The following RFX3 variants were observed in gnomAD, a reference collection of about 807,000 sequenced individuals.
RFX3 encodes the protein transcription factor RFX3.
A neutral mutation model predicts 98.6 loss-of-function variants in RFX3; 14 were observed. The observed-to-expected ratio is 0.14, with a 90% CI of 0.09 to 0.22. RFX3 has a LOEUF of 0.22. RFX3 is among the 10% of genes least tolerant of loss of function. The probability of loss-of-function intolerance (pLI) is 1.00; values close to 1 mark genes in which losing one functional copy is unlikely to be tolerated. For missense variants in RFX3, 639 were observed against 926.9 expected (o/e 0.69, Z 4.03); for synonymous variants, 383 against 328.4 (o/e 1.17, Z -1.80).
At chr9:3,430,447 A>G (rs530837705) in intron 1 of RFX3, among the ~76,000 whole-genome samples, 88 of 152,330 alleles carry the variant, frequency 5.8e-4, no homozygotes, top group Non-Finnish European at 5.9e-4. Context: ...TATAAACATA[A>G]GTCTTAGCAA....
chr9:3,413,885 T>C (rs1415641389), intron 1 of RFX3, among the ~76,000 whole-genome samples: 1 of 152,094 alleles, frequency 6.6e-6, no homozygotes, highest in Non-Finnish European at 1.5e-5. Flanking sequence ...ACTCTCCACC[T>C]AGATAACATG....
intron 13 of RFX3, 58 bp downstream of exon 13, chr9:3,262,877 A>C: frequency 6.5e-7 from 1 of 1,534,476 alleles, no homozygotes; most frequent in Non-Finnish European, 9.0e-7. Context: ...ATCCCAATTA[A>C]GAAGAACAAA....
intron 1 of RFX3, among the ~76,000 whole-genome samples, chr9:3,481,900 G>A (rs910577760): frequency 3.9e-5 from 6 of 152,042 alleles, no homozygotes; most frequent in African/African-American, 1.4e-4. Context: ...TATATCCAGT[G>A]TCAGAGTAAA....
In RFX3 at chr9:3,363,812, GAAT is replaced by G. The variant is rs761923002; in HGVS notation, c.118-17051_118-17049del. On this transcript the variant is annotated intron_variant, in intron 2 of 16. Transcript: ENST00000617270. ...AATACCAGTGTTTCCCCAAATATGG[GAAT>G]AATGATATTGGTAGTACAAAGGCAA... Among the ~76,000 whole-genome samples the G allele has an allele frequency of 2.6e-5, 4 of 152,264 alleles. No homozygotes were observed. In the East Asian group the frequency reaches 7.7e-4, roughly 29 times the overall value.
intron 1 of RFX3, among the ~76,000 whole-genome samples, chr9:3,490,651 C>A (rs74741908): frequency 0.025 from 3,868 of 152,044 alleles, 181 homozygotes; most frequent in African/African-American, 0.088. Flanking sequence ...GGGGAAATCT[C>A]AGAAAAAGCA....
chr9:3,422,790 G>A (rs1843570344), intron 1 of RFX3, among the ~76,000 whole-genome samples: 1 of 152,040 alleles, frequency 6.6e-6, no homozygotes, highest in African/African-American at 2.4e-5. Context: ...TAAGACACTG[G>A]GGTTCAGGAG....
chr9:3,501,193 T>C (rs1474207525), intron 1 of RFX3, among the ~76,000 whole-genome samples: 2 of 152,214 alleles, frequency 1.3e-5, no homozygotes, highest in African/African-American at 4.8e-5. Flanking sequence ...CTATTACATT[T>C]GCTTCATCTC....
intron 1 of RFX3, among the ~76,000 whole-genome samples, chr9:3,503,507 G>A (rs1261343916): frequency 3.3e-5 from 5 of 152,058 alleles, no homozygotes; most frequent in African/African-American, 4.8e-5. Flanking sequence ...GGCACATAAT[G>A]CTGAATATTT....
intron 6 of RFX3, among the ~76,000 whole-genome samples, chr9:3,290,162 G>T (rs1827155974): frequency 2.0e-5 from 3 of 150,114 alleles, no homozygotes; most frequent in South Asian, 2.1e-4. Context: ...TTTTTCTAGG[G>T]TTTGCTTCAC....
intron 2 of RFX3, among the ~76,000 whole-genome samples, chr9:3,375,960 CA>C (rs57885986): frequency 4.0e-4 from 54 of 135,210 alleles, no homozygotes; most frequent in Admixed American, 5.1e-4. Flanking sequence ...ACTCCATCTC[CA>C]AAAAAAAAAA....
intron 9 of RFX3, among the ~76,000 whole-genome samples, chr9:3,271,797 G>A (rs1824517648): frequency 6.6e-6 from 1 of 152,144 alleles, no homozygotes; most frequent in African/African-American, 2.4e-5. Flanking sequence ...CTGACCACAG[G>A]TTCCACTGTG....
chr9:3,486,356 T>C (rs1850275951), intron 1 of RFX3, among the ~76,000 whole-genome samples: 1 of 152,126 alleles, frequency 6.6e-6, no homozygotes, highest in African/African-American at 2.4e-5. Flanking sequence ...TAACATATTA[T>C]GCTGCTTTTA....
intron 14 of RFX3, among the ~76,000 whole-genome samples, chr9:3,256,544 A>T (rs2131106616): frequency 6.6e-6 from 1 of 152,304 alleles, no homozygotes; most frequent in African/African-American, 2.4e-5. Context: ...TGCATTTCTA[A>T]CATGTTTCCA....
intron 15 of RFX3, among the ~76,000 whole-genome samples, 161 bp from the exon 16 acceptor site, chr9:3,229,050 C>G (rs1818140638): frequency 6.6e-6 from 1 of 152,188 alleles, no homozygotes; most frequent in African/African-American, 2.4e-5. Context: ...TCCAATCAAA[C>G]TTGTCAAATT....
In RFX3 at chr9:3,395,521, T is replaced by C; in HGVS notation, c.68A>G (p.Gln23Arg). ...TACCACCTGCGTAGGCACTGCTGCT[T>C]GACTAGCCACAGATGTTTGTAAGGT... ...TVTLQTSVAS[Q>R]AAVPTQVVQQ... is the part of the protein sequence containing the mutation. Residue 23 changes from glutamine to arginine, a missense_variant, in exon 2 of 17, where the codon CAA becomes CGA. Physicochemically the swap from Gln to Arg is conservative, Grantham distance 43. This residue lies in a region of RFX3 where 210 missense variants were observed against 197.7 expected (regional missense o/e 1.06). Coordinates refer to ENST00000617270, the MANE Select transcript of RFX3 (RefSeq NM_001282116.2). The C allele has an allele frequency of 1.2e-6, 2 of 1,614,122 alleles. No individual in the cohort carries two copies. The highest frequency in any genetic ancestry group is 1.7e-6 in the Non-Finnish European group (2 of 1,180,002).
chr9:3,401,875 G>T (rs1206542336), intron 1 of RFX3, among the ~76,000 whole-genome samples: 1 of 152,140 alleles, frequency 6.6e-6, no homozygotes, highest in Non-Finnish European at 1.5e-5. Flanking sequence ...TAACCCCTAC[G>T]AGAAGGAAAA....
intron 1 of RFX3, chr9:3,453,584 C>G (rs1587723250): frequency 6.5e-6 from 1 of 153,436 alleles, no homozygotes; most frequent in African/African-American, 2.4e-5. Context: ...GTGGCACATG[C>G]CCGTAATCCC....
chr9:3,252,255 T>C (rs1038027968), intron 14 of RFX3, among the ~76,000 whole-genome samples: 7 of 152,236 alleles, frequency 4.6e-5, no homozygotes, highest in African/African-American at 1.7e-4. Flanking sequence ...GTTCCTACTC[T>C]GCGGCAGGGT....
chr9:3,525,806 G>A lies in RFX3; in HGVS notation c.-68C>T, dbSNP rs1819226551. On this transcript the variant is annotated 5_prime_UTR_variant, in exon 1 of 17. Coordinates refer to ENST00000617270, the MANE Select transcript of RFX3 (RefSeq NM_001282116.2). ...TGATGGAGATGGTGGTGGTGGGGAGGAGGAGGAGGAAGAGGAGGAGGAGGA... is the reference window on the plus strand; with the variant it reads ...TGATGGAGATGGTGGTGGTGGGGAGAAGGAGGAGGAAGAGGAGGAGGAGGA... 1.4e-6 allele frequency: 1 copy of A among 704,756 alleles called. No homozygotes were observed. The highest frequency in any genetic ancestry group is 1.7e-6 in the Non-Finnish European group (1 of 573,108). The allele number at this position is 704,756 out of a possible 1,614,324, so 43.7% of individuals were successfully genotyped here. A position where few individuals can be genotyped will look rare whatever the true frequency, so the allele number is the denominator to read the frequency against.
Sources: gnomAD v4.1 joint callset for allele counts (sites outside exome capture counted in the v4.1 genomes callset) on GRCh38, gnomAD v4.1.1 for gene constraint, gnomAD v4.1.1 regional missense constraint, MANE v1.5 for transcripts, NCBI Gene and HGNC (gene_info 2026-07-23, HGNC 2026-07-21) for gene names.